The following FAM81B variants were observed in gnomAD, a reference collection of about 807,000 sequenced individuals.
FAM81B encodes protein FAM81B.
FAM81B carries 60 observed loss-of-function variants against 58.7 expected under a neutral mutation model. The observed-to-expected ratio is 1.02, with a 90% CI of 0.83 to 1.27. The LOEUF is 1.27. FAM81B is among the 50% of genes most tolerant of loss of function. The pLI, the probability that FAM81B is intolerant of heterozygous loss-of-function variation, is 0.00. For synonymous variants in FAM81B, 189 were observed against 179.6 expected, an observed-to-expected ratio of 1.05 and a Z score of -0.42; for missense variants, 491 against 522.0, an observed-to-expected ratio of 0.94 and a Z score of 0.58.
At chr5:95,414,346 A>C (rs1411730190) in intron 4 of FAM81B, among the ~76,000 whole-genome samples, 156 bp downstream of exon 4, 1 of 152,194 alleles carries the variant, frequency 6.6e-6, no homozygotes, top group African/African-American at 2.4e-5. Context: ...AGAGGGAAAC[A>C]GTTCAATTTT....
At chr5:95,411,155 C>T (rs1762395151) in intron 3 of FAM81B, among the ~76,000 whole-genome samples, 4 of 152,084 alleles carry the variant, frequency 2.6e-5, no homozygotes, top group Admixed American at 2.6e-4. Flanking sequence ...TGGAAATAAC[C>T]TGTATTTGGG....
At chr5:95,406,630 G>A (rs544733018) in intron 3 of FAM81B, among the ~76,000 whole-genome samples, 13 of 152,236 alleles carry the variant, frequency 8.5e-5, no homozygotes, top group East Asian at 1.9e-4. Flanking sequence ...CTTCCTGAAC[G>A]GGGAGCTGGG....
intron 5 of FAM81B, among the ~76,000 whole-genome samples, chr5:95,422,311 A>C (rs1222836446): frequency 6.7e-6 from 1 of 149,416 alleles, no homozygotes; most frequent in Non-Finnish European, 1.5e-5. Context: ...TTAATATATA[A>C]ATAAATAATA....
At chr5:95,441,665 G>A (rs1745358280) in intron 7 of FAM81B, among the ~76,000 whole-genome samples, 1 of 152,094 alleles carries the variant, frequency 6.6e-6, no homozygotes, top group South Asian at 2.1e-4. Flanking sequence ...ACAAATTCAA[G>A]TTTAATGGTC....
Position 95,446,702 on chromosome 5 carries a change from G to C in FAM81B, c.1029+5G>C, listed in dbSNP as rs750013111. 6.2e-7 allele frequency: 1 copy of C among 1,610,456 alleles called. No individual in the cohort carries two copies. The highest frequency in any genetic ancestry group is 8.5e-7 in the Non-Finnish European group (1 of 1,179,088). On this transcript the variant is annotated splice_donor_5th_base_variant and intron_variant, in intron 8 of 9. Coordinates refer to ENST00000283357, the MANE Select transcript of FAM81B (RefSeq NM_152548.3). ...AAGGTCCTACAGGAGAAACTGGTGAGGAGTTCTGTTATTTTGTGAAGCAAG... is the reference window on the plus strand; with the variant it reads ...AAGGTCCTACAGGAGAAACTGGTGACGAGTTCTGTTATTTTGTGAAGCAAG...
Position 95,437,777 on chromosome 5 carries a change from TC to T in FAM81B, c.893+872del, listed in dbSNP as rs780637986. On this transcript the variant is annotated intron_variant, in intron 7 of 9. Transcript: ENST00000283357. ...CCTTATTATCAAATCTCCCTTTTTT[TC>T]TTTTTTTAAATGATCATCATTTCCA... is the stretch of plus-strand genomic sequence containing the variant. 1.3e-3 allele frequency among the ~76,000 whole-genome samples: 202 copies of T among 150,970 alleles called. 1 individual carries two copies. The highest frequency in any genetic ancestry group is 3.5e-3 in the Middle Eastern group (1 of 288).
chr5:95,413,964 C>T lies in FAM81B; in HGVS notation c.311C>T (p.Pro104Leu), dbSNP rs199790134. 1 of 1,613,248 alleles carries T rather than the reference C, an allele frequency of 6.2e-7. No homozygotes were observed. Among genetic ancestry groups the T allele is most frequent in the Non-Finnish European group, 8.5e-7 (1 of 1,179,646 alleles). The change falls in exon 4 of 10, where the codon CCC becomes CTC. Residue 104 changes from proline (P) to leucine (L), a missense_variant. Transcript: ENST00000283357. ...EYVDKSHAFL[P>L]IIPNTQRGQL... ...CTGATCAGGAGTCATGCTTTTCTCC[C>T]CATCATTCCAAACACCCAGAGAGGT...
chr5:95,445,891 C>T (rs1162628519), intron 7 of FAM81B, among the ~76,000 whole-genome samples: 1 of 152,192 alleles, frequency 6.6e-6, no homozygotes, highest in African/African-American at 2.4e-5. Flanking sequence ...GCTCCTCTCC[C>T]AGCCACATAC....
At chr5:95,398,990 T>C (rs1023345176) in intron 3 of FAM81B, among the ~76,000 whole-genome samples, 2 of 152,198 alleles carry the variant, frequency 1.3e-5, no homozygotes, top group African/African-American at 2.4e-5. Context: ...CTGCTGCCCA[T>C]GAGGCAAATT....
intron 4 of FAM81B, among the ~76,000 whole-genome samples, chr5:95,415,000 A>G (rs984481650): frequency 4.3e-4 from 66 of 152,174 alleles, no homozygotes; most frequent in Non-Finnish European, 5.7e-4. Flanking sequence ...ACCAGACAAC[A>G]GTGGTGTTGT....
At chr5:95,426,573 A>G (rs1385495815) in intron 5 of FAM81B, among the ~76,000 whole-genome samples, 2 of 152,222 alleles carry the variant, frequency 1.3e-5, no homozygotes, top group African/African-American at 4.8e-5. Context: ...AACACTATTC[A>G]GGACAGCCAC....
At chr5:95,420,906 A>G (rs17084688) in intron 5 of FAM81B, among the ~76,000 whole-genome samples, 48,352 of 152,038 alleles carry the variant, frequency 0.32, 8,594 homozygotes, top group African/African-American at 0.48. Context: ...CCACTCTGGC[A>G]GACACATCAA....
intron 3 of FAM81B, among the ~76,000 whole-genome samples, chr5:95,400,222 G>A (rs961849556): frequency 1.3e-5 from 2 of 152,152 alleles, no homozygotes; most frequent in African/African-American, 4.8e-5. Flanking sequence ...AAATCAAAGT[G>A]CCAGCAGGAC....
At chr5:95,428,173 G>A (rs10072899) in intron 5 of FAM81B, among the ~76,000 whole-genome samples, 490 of 152,254 alleles carry the variant, frequency 3.2e-3, no homozygotes, top group African/African-American at 0.011. Flanking sequence ...TAGTCTGGGG[G>A]CCAAGAAAAG....
intron 3 of FAM81B, among the ~76,000 whole-genome samples, chr5:95,400,213 A>T (rs1762069372): frequency 6.6e-6 from 1 of 152,188 alleles, no homozygotes; most frequent in Admixed American, 6.6e-5. Flanking sequence ...GGAGGTCTGA[A>T]ATCAAAGTGC....
intron 4 of FAM81B, among the ~76,000 whole-genome samples, chr5:95,416,624 T>A (rs1762545539): frequency 1.3e-5 from 2 of 152,218 alleles, no homozygotes; most frequent in Admixed American, 1.3e-4. Context: ...AATACCCAGA[T>A]GAATCTCCCT....
intron 3 of FAM81B, among the ~76,000 whole-genome samples, chr5:95,407,741 C>CA (rs1762294970): frequency 6.6e-6 from 1 of 152,218 alleles, no homozygotes; most frequent in South Asian, 2.1e-4. Flanking sequence ...CAAAGTTCTA[C>CA]AACTTCTAGG....
intron 7 of FAM81B, among the ~76,000 whole-genome samples, chr5:95,444,603 G>A (rs780967849): frequency 6.6e-6 from 1 of 152,114 alleles, no homozygotes; most frequent in Admixed American, 6.5e-5. Flanking sequence ...TGGGAATCAT[G>A]ATTAGACTAA....
intron 4 of FAM81B, among the ~76,000 whole-genome samples, chr5:95,418,447 T>A (rs1362063073): frequency 1.3e-5 from 2 of 152,216 alleles, no homozygotes; most frequent in Non-Finnish European, 1.5e-5. Context: ...AGAACAAATC[T>A]TCTATCCATG....
Sources: allele counts gnomAD v4.1 joint callset (sites outside exome capture counted in the v4.1 genomes callset), GRCh38; gene constraint gnomAD v4.1.1; transcripts MANE v1.5; gene names NCBI Gene and HGNC (gene_info 2026-07-23, HGNC 2026-07-21).